The following FKBP3 variants were observed in gnomAD, a reference collection of about 807,000 sequenced individuals.
FKBP3 encodes the protein FKBP prolyl isomerase 3.
In FKBP3, 21 loss-of-function variants were observed where a neutral mutation model predicts 30.6. The observed-to-expected ratio is 0.69, with a 90% confidence interval of 0.49 to 0.99. The LOEUF (loss-of-function observed/expected upper bound fraction) is 0.99, where lower values mean the gene tolerates loss of function less well. Ranked by LOEUF, FKBP3 falls within the 50% of genes least tolerant of loss-of-function variation. The pLI, the probability that FKBP3 is intolerant of heterozygous loss-of-function variation, is 0.00. For synonymous variants in FKBP3, 82 were observed against 91.3 expected, an observed-to-expected ratio of 0.90 and a Z score of 0.58; for missense variants, 283 against 261.6, an observed-to-expected ratio of 1.08 and a Z score of -0.56.
chr14:45,122,559 G>A (rs1055310064), intron 3 of FKBP3, among the ~76,000 whole-genome samples: 12 of 152,032 alleles, frequency 7.9e-5, no homozygotes, highest in South Asian at 6.2e-4. Flanking sequence ...GGAGTGCAGC[G>A]GTGTGATCTC....
At chr14:45,132,005 CTTT>C (rs1451614506) in intron 1 of FKBP3, among the ~76,000 whole-genome samples, 4 of 152,164 alleles carry the variant, frequency 2.6e-5, no homozygotes, top group Non-Finnish European at 4.4e-5. Flanking sequence ...TCCATAACTT[CTTT>C]GTTTCCTTAT....
rs1056321129 is a variant in FKBP3 at position 45,120,796 on chromosome 14, T to C, written c.522+91A>G. The stretch of plus-strand genomic sequence containing the variant: ...CAGACTCCAAAGTCTGTTTCCTTTG[T>C]ATTATATCCCCAAACCTAATTCTTT... On this transcript the variant is annotated intron_variant, in intron 5 of 6. Coordinates refer to ENST00000396062, the MANE Select transcript of FKBP3 (RefSeq NM_002013.4). 4 of 1,038,038 alleles carry C rather than the reference T, an allele frequency of 3.9e-6. No individual in the cohort carries two copies. In the African/African-American group the frequency reaches 4.7e-5, roughly 12 times the overall value. The allele number at this position is 1,038,038 out of a possible 1,614,324, so 64.3% of individuals were successfully genotyped here. A position where few individuals can be genotyped will look rare whatever the true frequency, so the allele number is the denominator to read the frequency against.
chr14:45,126,351 T>C (rs1371553432), intron 3 of FKBP3, among the ~76,000 whole-genome samples: 1 of 151,556 alleles, frequency 6.6e-6, no homozygotes, highest in Non-Finnish European at 1.5e-5. Context: ...AACCGGGCGT[T>C]GTGGTGTGCG....
chr14:45,127,498 A>T (rs1190935748), intron 3 of FKBP3, among the ~76,000 whole-genome samples: 2 of 152,174 alleles, frequency 1.3e-5, no homozygotes, highest in South Asian at 2.1e-4. Flanking sequence ...CATCCCAAAT[A>T]CCATCATTTC....
intron 3 of FKBP3, among the ~76,000 whole-genome samples, chr14:45,126,076 G>A (rs1160363673): frequency 6.6e-6 from 1 of 151,940 alleles, no homozygotes; most frequent in East Asian, 2.0e-4. Context: ...TTTTTTGGTA[G>A]AGACAGGTTT....
intron 1 of FKBP3, among the ~76,000 whole-genome samples, 165 bp downstream of exon 1, chr14:45,134,184 G>A (rs1245971387): frequency 1.3e-5 from 2 of 152,242 alleles, no homozygotes; most frequent in African/African-American, 2.4e-5. Context: ...CCGAGAGGCG[G>A]GAGCGAGGCA....
intron 1 of FKBP3, 181 bp from the exon 2 acceptor site, chr14:45,130,981 G>C: frequency 4.2e-6 from 2 of 472,292 alleles, no homozygotes; most frequent in South Asian, 6.6e-5. Context: ...TTAAAAATTC[G>C]GTATTTACAA....
intron 6 of FKBP3, 109 bp downstream of exon 6, chr14:45,117,919 C>T: frequency 1.3e-6 from 1 of 757,626 alleles, no homozygotes; most frequent in Non-Finnish European, 2.2e-6. Context: ...CTAGTCTGGA[C>T]AGGATTCTTG....
rs771413110 is a variant in FKBP3 at position 45,120,894 on chromosome 14, A to G, written c.515T>C (p.Ile172Thr). ...TTGGCATTCTTTACTTACTCCTCTG[A>G]TAACTTTGCCTACTCCGACCTTAAA... ...LSFKVGVGKV[I>T]RGWDEALLTM... Residue 172 changes from isoleucine to threonine, a missense_variant, in exon 5 of 7, where the codon ATC becomes ACC. Transcript: ENST00000396062. 1 of 1,612,674 alleles carries G rather than the reference A, an allele frequency of 6.2e-7. No individual in the cohort carries two copies. Among genetic ancestry groups the G allele is most frequent in the Admixed American group, 1.7e-5 (1 of 60,012 alleles).
At chr14:45,119,146 A>C (rs1884924165) in intron 5 of FKBP3, among the ~76,000 whole-genome samples, 1 of 152,264 alleles carries the variant, frequency 6.6e-6, no homozygotes, top group African/African-American at 2.4e-5. Context: ...TCTTAAAGCT[A>C]GTTTCCACAA....
At position 45,134,316 on chromosome 14, in the gene FKBP3, G is replaced by T; in HGVS notation, c.108+33C>A. The stretch of plus-strand genomic sequence containing the variant: ...CAGGGGGGTGAGGCGTCCCTCAGCC[G>T]CACCAGCCCGGCCGCCCCTACGCCT... On this transcript the variant is annotated intron_variant, in intron 1 of 6. Transcript: ENST00000396062. The T allele has an allele frequency of 2.6e-6, 4 of 1,527,716 alleles. No homozygotes were observed. The South Asian group carries it at 3.4e-5, about 13-fold the overall frequency. 94.6% of individuals were successfully genotyped at this position (1,527,716 alleles called of 1,614,324 possible). A position where few individuals can be genotyped will look rare whatever the true frequency, so the allele number is the denominator to read the frequency against.
At position 45,126,616 on chromosome 14, in the gene FKBP3, C is replaced by T. The variant is rs147286362; in HGVS notation, c.318+3178G>A. Among the ~76,000 whole-genome samples the T allele has an allele frequency of 9.9e-5, 15 of 152,136 alleles. 1 individual carries two copies. In the East Asian group the frequency reaches 2.9e-3, roughly 30 times the overall value. ...GATATATATTGAAGACCAGTGGTGACCAATAAAAATGGGAGTCACAAATGT... is the reference window on the plus strand; with the variant it reads ...GATATATATTGAAGACCAGTGGTGATCAATAAAAATGGGAGTCACAAATGT... On this transcript the variant is annotated intron_variant, in intron 3 of 6. Coordinates refer to ENST00000396062, the MANE Select transcript of FKBP3 (RefSeq NM_002013.4).
chr14:45,116,309 C>A, intron 6 of FKBP3, 57 bp from the exon 7 acceptor site: 1 of 1,287,572 alleles, frequency 7.8e-7, no homozygotes, highest in South Asian at 1.2e-5. Flanking sequence ...ACCCCCATAA[C>A]CTTAGTGTAG....
chr14:45,132,646 A>T (rs1417636764), intron 1 of FKBP3, among the ~76,000 whole-genome samples: 1 of 152,098 alleles, frequency 6.6e-6, no homozygotes, highest in Non-Finnish European at 1.5e-5. Flanking sequence ...ACTGTTAGTC[A>T]GGATGGTCTC....
intron 6 of FKBP3, among the ~76,000 whole-genome samples, chr14:45,117,089 A>G (rs375599767): frequency 1.3e-5 from 2 of 151,842 alleles, no homozygotes; most frequent in South Asian, 2.1e-4. Flanking sequence ...CTCCTGCCAC[A>G]GCCTCCAGGG....
chr14:45,116,489 T>A (rs187562290), intron 6 of FKBP3, among the ~76,000 whole-genome samples: 2,778 of 149,972 alleles, frequency 0.019, 84 homozygotes, highest in African/African-American at 0.065. Context: ...ACAAAAAAAA[T>A]ATATATACAT....
At chr14:45,127,038 C>T (rs1027275586) in intron 3 of FKBP3, among the ~76,000 whole-genome samples, 5 of 151,680 alleles carry the variant, frequency 3.3e-5, no homozygotes, top group Non-Finnish European at 7.4e-5. Flanking sequence ...AACTCCTGAC[C>T]TCAAGTGATC....
chr14:45,122,140 A>G (rs1039800252), intron 3 of FKBP3, among the ~76,000 whole-genome samples: 5 of 152,228 alleles, frequency 3.3e-5, no homozygotes, highest in Non-Finnish European at 7.3e-5. Context: ...AGAAATTGCT[A>G]TAACAGGCAT....
rs1387741867 is a variant in FKBP3 at position 45,128,088 on chromosome 14, A to G, written c.318+1706T>C. On this transcript the variant is annotated intron_variant, in intron 3 of 6. Coordinates refer to ENST00000396062, the MANE Select transcript of FKBP3 (RefSeq NM_002013.4). ...GCAGTGGCTCACGCCTGTAATCCCA[A>G]CACTTTGGAAGGCCTAGGTGGGCGG... 9.2e-4 allele frequency among the ~76,000 whole-genome samples: 140 copies of G among 152,128 alleles called. 2 individuals carry two copies. In the East Asian group the frequency reaches 0.022, roughly 24 times the overall value.
Sources: allele counts gnomAD v4.1 joint callset (sites outside exome capture counted in the v4.1 genomes callset), GRCh38; gene constraint gnomAD v4.1.1; transcripts MANE v1.5; gene names NCBI Gene and HGNC (gene_info 2026-07-23, HGNC 2026-07-21).